Variants in OSBPL5 observed in about 807,000 individuals in gnomAD.
OSBPL5 encodes the protein oxysterol-binding protein-related protein 5.
A neutral mutation model predicts 111.2 loss-of-function variants in OSBPL5; 71 were observed. That is an observed-to-expected ratio of 0.64 (90% CI 0.53 to 0.78). The LOEUF is 0.78. Ranked by LOEUF, OSBPL5 falls within the 30% of genes least tolerant of loss-of-function variation. The pLI is 0.00. For synonymous variants in OSBPL5, 549 were observed against 513.9 expected (o/e 1.07, Z -0.93); for missense variants, 1,210 against 1,189.3 (o/e 1.02, Z -0.26).
chr11:3,114,490 A>G (rs549293653), intron 7 of OSBPL5, among the ~76,000 whole-genome samples: 2 of 151,806 alleles, frequency 1.3e-5, no homozygotes, highest in Admixed American at 6.6e-5. Flanking sequence ...CTTTTATATG[A>G]TCAAGTTGTC....
intron 1 of OSBPL5, among the ~76,000 whole-genome samples, chr11:3,155,100 G>A (rs1846713091): frequency 6.6e-6 from 1 of 152,138 alleles, no homozygotes; most frequent in Non-Finnish European, 1.5e-5. Flanking sequence ...GAGGCCTCAG[G>A]AGAAACCAGC....
Position 3,087,446 on chromosome 11 carries a change from T to G in OSBPL5, c.*759A>C, listed in dbSNP as rs1856909219. The stretch of plus-strand genomic sequence containing the variant: ...TGGGAAGACTGTGCATCGGTCTGAG[T>G]AAAGTGGCGAACTTGAGCCTCCCCG... On this transcript the variant is annotated 3_prime_UTR_variant, in exon 22 of 22. Coordinates refer to ENST00000263650, the MANE Select transcript of OSBPL5 (RefSeq NM_020896.4). The G allele has an allele frequency of 6.5e-6, 1 of 154,354 alleles. No individual in the cohort carries two copies. The highest frequency in any genetic ancestry group is 1.5e-5 in the Non-Finnish European group (1 of 68,298). 9.6% of individuals were successfully genotyped at this position (154,354 alleles called of 1,614,324 possible).
rs1857756148 is a variant in OSBPL5, at chr11:3,107,691, G to C, written c.866+80C>G. The C allele has an allele frequency of 5.2e-6, 8 of 1,550,450 alleles. No individual in the cohort carries two copies. The highest frequency in any genetic ancestry group is 7.0e-6 in the Non-Finnish European group (8 of 1,141,482). ...CTGCAGCCCACCAGAGCAGTGGCTG[G>C]GGCTGTCCTCTCCCCTCTTCCTCGC... On this transcript the variant is annotated intron_variant, in intron 8 of 21. Transcript: ENST00000263650. The surrounding 1 kb of genome is among the most constrained non-coding windows in gnomAD (Gnocchi z 6.1).
At chr11:3,129,332 C>T (rs1490543171) in intron 1 of OSBPL5, 163 bp from the exon 2 acceptor site, 2 of 565,480 alleles carry the variant, frequency 3.5e-6, no homozygotes, top group Non-Finnish European at 5.6e-6. Context: ...GGTGGTCAGC[C>T]AGGACAGCCC....
intron 1 of OSBPL5, among the ~76,000 whole-genome samples, chr11:3,148,563 G>A (rs546312499): frequency 1.3e-5 from 2 of 152,232 alleles, no homozygotes; most frequent in African/African-American, 2.4e-5. Flanking sequence ...GTCTGGAACC[G>A]GCTTCCATGA....
intron 7 of OSBPL5, among the ~76,000 whole-genome samples, chr11:3,118,697 G>T (rs112151775): frequency 6.7e-6 from 1 of 149,648 alleles, no homozygotes; most frequent in Non-Finnish European, 1.5e-5. Context: ...TCAGCCTCCT[G>T]AGTAGTTGGG....
chr11:3,087,910 AG>A lies in OSBPL5; in HGVS notation c.*294del. The A allele has an allele frequency of 4.1e-6, 1 of 241,976 alleles. No individual in the cohort carries two copies. The allele number at this position is 241,976 out of a possible 1,614,324, so 15.0% of individuals were successfully genotyped here. A position where few individuals can be genotyped will look rare whatever the true frequency, so the allele number is the denominator to read the frequency against. On this transcript the variant is annotated 3_prime_UTR_variant, in exon 22 of 22. Transcript: ENST00000263650. The stretch of plus-strand genomic sequence containing the variant: ...CCCCCATGGCAAGTGGAGGCCGGAC[AG>A]GGGGTGACACGGCAAGATGGCCAGG...
intron 1 of OSBPL5, among the ~76,000 whole-genome samples, chr11:3,138,611 C>G (rs1272581413): frequency 1.3e-5 from 2 of 152,358 alleles, no homozygotes; most frequent in South Asian, 4.1e-4. Flanking sequence ...AGAAAAGACG[C>G]TCGCCTGCCG....
chr11:3,116,999 A>C (rs1475912393), intron 7 of OSBPL5, among the ~76,000 whole-genome samples: 3 of 152,218 alleles, frequency 2.0e-5, no homozygotes, highest in African/African-American at 7.2e-5. Context: ...CTGTGAACAA[A>C]ATTTGGAGCA....
At chr11:3,127,905 C>T (rs1350930748) in intron 2 of OSBPL5, among the ~76,000 whole-genome samples, 1 of 152,202 alleles carries the variant, frequency 6.6e-6, no homozygotes, top group African/African-American at 2.4e-5. Context: ...AGCACGTCTT[C>T]TGCACCGCCT....
intron 1 of OSBPL5, among the ~76,000 whole-genome samples, chr11:3,133,922 T>A (rs1845880440): frequency 6.6e-6 from 1 of 151,536 alleles, no homozygotes; most frequent in African/African-American, 2.4e-5. Flanking sequence ...AGGCTCATTC[T>A]GGAGGCCAGG....
chr11:3,129,216 G>A (rs1046987430), intron 1 of OSBPL5, 47 bp from the exon 2 acceptor site: 1 of 1,356,458 alleles, frequency 7.4e-7, no homozygotes, highest in Admixed American at 3.6e-5. Context: ...GCCCCGGAAG[G>A]GGCTTCAGAG....
intron 3 of OSBPL5, among the ~76,000 whole-genome samples, chr11:3,124,135 T>C (rs939848703): frequency 3.3e-5 from 5 of 152,148 alleles, no homozygotes; most frequent in African/African-American, 4.8e-5. Flanking sequence ...TTCTCAGCAT[T>C]GTACAGAGGA....
At position 3,110,806 on chromosome 11, in the gene OSBPL5, C is replaced by G. The variant is rs1857899643; in HGVS notation, c.692-2861G>C. 6.6e-6 allele frequency among the ~76,000 whole-genome samples: 1 copy of G among 152,170 alleles called. No individual in the cohort carries two copies. Among genetic ancestry groups the G allele is most frequent in the African/African-American group, 2.4e-5 (1 of 41,436 alleles). On this transcript the variant is annotated intron_variant, in intron 7 of 21. Coordinates refer to ENST00000263650, the MANE Select transcript of OSBPL5 (RefSeq NM_020896.4). This position sits in a 1 kb window ranked among gnomAD's most constrained non-coding sequence, Gnocchi z 5.3. ...CCCCGCTTGAAGTTGTCCCGCCTTT[C>G]CAGACCAAACCAATGTTCATCTTAC...
chr11:3,162,253 C>T lies in OSBPL5; in HGVS notation c.-22+2963G>A, dbSNP rs1354681886. Among the ~76,000 whole-genome samples, 4 of 152,094 alleles carry T rather than the reference C, an allele frequency of 2.6e-5. No homozygotes were observed. The highest frequency in any genetic ancestry group is 9.7e-5 in the African/African-American group (4 of 41,404). On this transcript the variant is annotated intron_variant, in intron 1 of 21. Coordinates refer to ENST00000263650, the MANE Select transcript of OSBPL5 (RefSeq NM_020896.4). The surrounding 1 kb of genome is among the most constrained non-coding windows in gnomAD (Gnocchi z 8.1). ...GGTAGGGCCAGGAGGGGAGTGGAGG[C>T]CAGCCCTGGAGGGAGTAGCCGGATG...
intron 7 of OSBPL5, among the ~76,000 whole-genome samples, chr11:3,114,276 T>A (rs895513074): frequency 6.6e-6 from 1 of 152,144 alleles, no homozygotes; most frequent in Non-Finnish European, 1.5e-5. Flanking sequence ...AAGAAAGTTA[T>A]AAAAAAGTGT....
At chr11:3,164,806 G>A (rs1847064017) in intron 1 of OSBPL5, among the ~76,000 whole-genome samples, 1 of 152,156 alleles carries the variant, frequency 6.6e-6, no homozygotes, top group Non-Finnish European at 1.5e-5. Context: ...CCGAGCTGGG[G>A]GGACAGACCC....
intron 1 of OSBPL5, among the ~76,000 whole-genome samples, chr11:3,133,757 G>T (rs570736848): frequency 6.6e-6 from 1 of 152,376 alleles, no homozygotes; most frequent in South Asian, 2.1e-4. Context: ...TGCAGGAGGG[G>T]ACGCTGTGGG....
In OSBPL5 at chr11:3,121,049, G is replaced by A. The variant is rs1858394278; in HGVS notation, c.403-425C>T. 6.7e-6 allele frequency among the ~76,000 whole-genome samples: 1 copy of A among 149,532 alleles called. No homozygotes were observed. Among genetic ancestry groups the A allele is most frequent in the Non-Finnish European group, 1.5e-5 (1 of 67,600 alleles). On this transcript the variant is annotated intron_variant, in intron 5 of 21. Coordinates refer to ENST00000263650, the MANE Select transcript of OSBPL5 (RefSeq NM_020896.4). This position sits in a 1 kb window ranked among gnomAD's most constrained non-coding sequence, Gnocchi z 4.3. Reference sequence around the variant, plus strand: ...TGAGTGGTGTGACTTGTAACTGGCAGCTTTGTAGATTCTTTTTTTTTTTTT... The same window carrying A: ...TGAGTGGTGTGACTTGTAACTGGCAACTTTGTAGATTCTTTTTTTTTTTTT...
Sources: gnomAD v4.1 joint callset for allele counts (sites outside exome capture counted in the v4.1 genomes callset) on GRCh38, gnomAD v4.1.1 for gene constraint, Gnocchi (gnomAD v3.1) non-coding constraint, MANE v1.5 for transcripts, NCBI Gene and HGNC (gene_info 2026-07-23, HGNC 2026-07-21) for gene names.